Variants in DCC observed in about 807,000 individuals in gnomAD.
DCC encodes the protein netrin receptor DCC.
A neutral mutation model predicts 172.5 loss-of-function variants in DCC; 58 were observed. The observed-to-expected ratio is 0.34, with a 90% CI of 0.27 to 0.42. The LOEUF is 0.42. Among genes scored for constraint, DCC ranks in the 10% least tolerant of loss-of-function variants. DCC has a pLI of 1.00. For synonymous variants in DCC, 709 were observed against 644.5 expected (o/e 1.10, Z -1.52); for missense variants, 1,740 against 1,791.0 (o/e 0.97, Z 0.51).
chr18:53,076,313 A>G (rs1445884284), intron 7 of DCC, among the ~76,000 whole-genome samples: 1 of 152,170 alleles, frequency 6.6e-6, no homozygotes, highest in Non-Finnish European at 1.5e-5. Flanking sequence ...CATGGTAAGC[A>G]GTTTCATACC....
intron 3 of DCC, among the ~76,000 whole-genome samples, chr18:52,910,624 C>T (rs2039958636): frequency 6.6e-6 from 1 of 152,178 alleles, no homozygotes; most frequent in Non-Finnish European, 1.5e-5. Context: ...TTATTCATGT[C>T]GCATCATGTC....
chr18:52,982,439 T>C (rs2041227037), intron 5 of DCC, among the ~76,000 whole-genome samples: 1 of 152,178 alleles, frequency 6.6e-6, no homozygotes, highest in African/African-American at 2.4e-5. Flanking sequence ...CTAAACACTG[T>C]ATATCTTCTC....
At chr18:52,412,238 G>A (rs551929195) in intron 1 of DCC, among the ~76,000 whole-genome samples, 64 of 152,204 alleles carry the variant, frequency 4.2e-4, no homozygotes, top group African/African-American at 1.4e-3. Flanking sequence ...ACACATGTAT[G>A]TATGTATTAT....
At chr18:53,404,410 A>AG (rs1909522089) in intron 19 of DCC, among the ~76,000 whole-genome samples, 1 of 91,108 alleles carries the variant, frequency 1.1e-5, no homozygotes, top group Non-Finnish European at 2.7e-5. Flanking sequence ...AGGAAAAAAA[A>AG]AAAAATAGAA....
chr18:52,397,730 G>T (rs768144430), intron 1 of DCC, among the ~76,000 whole-genome samples: 8 of 152,016 alleles, frequency 5.3e-5, no homozygotes, highest in Non-Finnish European at 1.0e-4. Flanking sequence ...AGGAGCCATT[G>T]CCATTAGAGT....
At chr18:52,947,476 T>C (rs1032448113) in intron 5 of DCC, among the ~76,000 whole-genome samples, 36 of 152,288 alleles carry the variant, frequency 2.4e-4, no homozygotes, top group African/African-American at 8.4e-4. Context: ...GGAGAGCTGA[T>C]ATAGCAAGAA....
At chr18:53,117,242 A>G (rs748131223) in intron 7 of DCC, among the ~76,000 whole-genome samples, 3 of 151,888 alleles carry the variant, frequency 2.0e-5, no homozygotes, top group Non-Finnish European at 2.9e-5. Flanking sequence ...CCTTTATAAT[A>G]CTGCACTGTA....
chr18:53,103,061 T>A (rs2043195667), intron 7 of DCC, among the ~76,000 whole-genome samples: 1 of 152,134 alleles, frequency 6.6e-6, no homozygotes, highest in South Asian at 2.1e-4. Context: ...ATTTATACGT[T>A]CATACATTTA....
At chr18:53,323,481 C>T (rs941134825) in intron 14 of DCC, among the ~76,000 whole-genome samples, 5 of 152,168 alleles carry the variant, frequency 3.3e-5, no homozygotes, top group Admixed American at 6.6e-5. Flanking sequence ...AGCTTTGATA[C>T]AATAATAACT....
At chr18:52,561,722 T>C (rs538923382) in intron 1 of DCC, among the ~76,000 whole-genome samples, 3 of 152,150 alleles carry the variant, frequency 2.0e-5, no homozygotes, top group African/African-American at 4.8e-5. Flanking sequence ...TGAAATTATA[T>C]GGTGATATTC....
At chr18:52,635,099 T>C (rs1040316324) in intron 1 of DCC, among the ~76,000 whole-genome samples, 2 of 152,214 alleles carry the variant, frequency 1.3e-5, no homozygotes, top group African/African-American at 4.8e-5. Flanking sequence ...TCTTCCAAAT[T>C]TGACAAATAA....
intron 5 of DCC, among the ~76,000 whole-genome samples, chr18:52,949,161 A>G (rs933754509): frequency 6.6e-6 from 1 of 152,202 alleles, no homozygotes; most frequent in African/African-American, 2.4e-5. Context: ...CTTCAACCAG[A>G]AACAAGGACA....
rs184380685 is a variant in DCC at position 52,686,451 on chromosome 18, A to G, written c.92-65603A>G. The stretch of plus-strand genomic sequence containing the variant: ...CAATTTCCCTTTGTTTACCAAAGAA[A>G]CACAACAGTATCTGGCAGTATTTGA... On this transcript the variant is annotated intron_variant, in intron 1 of 28. Transcript: ENST00000442544. Among the ~76,000 whole-genome samples, 3 of 152,254 alleles carry G rather than the reference A, an allele frequency of 2.0e-5. No homozygotes were observed. In the East Asian group the frequency reaches 5.8e-4, roughly 29 times the overall value.
intron 2 of DCC, among the ~76,000 whole-genome samples, chr18:52,903,506 T>A (rs976754515): frequency 6.6e-6 from 1 of 152,198 alleles, no homozygotes; most frequent in Non-Finnish European, 1.5e-5. Context: ...CATGGATAAA[T>A]GGTTTAAATG....
At chr18:52,519,178 G>A (rs1445217653) in intron 1 of DCC, among the ~76,000 whole-genome samples, 1 of 152,152 alleles carries the variant, frequency 6.6e-6, no homozygotes, top group Non-Finnish European at 1.5e-5. Context: ...GAATGTAGCT[G>A]CCAGATTGGG....
intron 2 of DCC, among the ~76,000 whole-genome samples, chr18:52,894,609 CTA>C (rs1387629457): frequency 6.6e-6 from 1 of 151,768 alleles, no homozygotes; most frequent in Non-Finnish European, 1.5e-5. Flanking sequence ...GTCCTAGTAT[CTA>C]TAATTGGCAA....
intron 2 of DCC, among the ~76,000 whole-genome samples, chr18:52,828,140 G>A (rs1170522336): frequency 6.6e-6 from 1 of 152,040 alleles, no homozygotes; most frequent in African/African-American, 2.4e-5. Context: ...TAGTAGCCAT[G>A]TTACTCCTCA....
At chr18:52,995,485 GTT>G (rs11289189) in intron 5 of DCC, among the ~76,000 whole-genome samples, 2 of 148,864 alleles carry the variant, frequency 1.3e-5, no homozygotes, top group East Asian at 2.0e-4. Flanking sequence ...AAAGTTTTTT[GTT>G]TTTTTTTTTC....
At chr18:52,605,991 G>C (rs1199089291) in intron 1 of DCC, among the ~76,000 whole-genome samples, 2 of 151,994 alleles carry the variant, frequency 1.3e-5, no homozygotes, top group African/African-American at 4.8e-5. Flanking sequence ...ATACTACAAA[G>C]AATGCAATCT....
Sources: gnomAD v4.1 joint callset for allele counts (sites outside exome capture counted in the v4.1 genomes callset) on GRCh38, gnomAD v4.1.1 for gene constraint, MANE v1.5 for transcripts, NCBI Gene and HGNC (gene_info 2026-07-23, HGNC 2026-07-21) for gene names.